SPATA19: variants seen among roughly 807,000 people sequenced by gnomAD.
The protein encoded by SPATA19 is spermatogenesis-associated protein 19, mitochondrial.
In SPATA19, 19 loss-of-function variants were observed where a neutral mutation model predicts 25.0. The ratio of observed to expected loss-of-function variants is 0.76; its 90% confidence interval spans 0.53 to 1.11. The LOEUF (loss-of-function observed/expected upper bound fraction) is 1.11, where lower values mean the gene tolerates loss of function less well. Among genes scored for constraint, SPATA19 ranks in the 50% most tolerant of loss-of-function variants. The pLI is 0.00. For synonymous variants in SPATA19, 64 were observed against 69.3 expected, an observed-to-expected ratio of 0.92 and a Z score of 0.38; for missense variants, 222 against 211.4, an observed-to-expected ratio of 1.05 and a Z score of -0.31.
downstream of SPATA19, among the ~76,000 whole-genome samples, chr11:133,838,879 C>T (rs1938251491): frequency 6.6e-6 from 1 of 152,164 alleles, no homozygotes; most frequent in African/African-American, 2.4e-5. Context: ...AGGATATGAA[C>T]AGACACTTCT....
downstream of SPATA19, among the ~76,000 whole-genome samples, chr11:133,837,915 T>G (rs966082620): frequency 1.1e-4 from 16 of 152,018 alleles, no homozygotes; most frequent in African/African-American, 3.4e-4. Flanking sequence ...CTAGGGACAC[T>G]CAAAGACAAC....
At position 133,842,535 on chromosome 11, in the gene SPATA19, A is replaced by G. The variant is rs1236433255; in HGVS notation, c.387T>C (p.Ser129=). The G allele has an allele frequency of 6.2e-7, 1 of 1,613,684 alleles. No individual in the cohort carries two copies. The highest frequency in any genetic ancestry group is 1.7e-5 in the Admixed American group (1 of 59,996). The change falls in exon 5 of 7, where the codon AGT becomes AGC. Residue 129 remains serine, a synonymous_variant. Transcript: ENST00000299140. ...WSHTRIFQVP[S]EMTEDIMRDR... ...CTCGCATGATGTCCTCTGTCATCTCACTTGGCACTTGGAAGATACGAGTGT... is the reference window on the plus strand; with the variant it reads ...CTCGCATGATGTCCTCTGTCATCTCGCTTGGCACTTGGAAGATACGAGTGT...
At chr11:133,843,102 G>A (rs953100655) in intron 4 of SPATA19, among the ~76,000 whole-genome samples, 3 of 152,178 alleles carry the variant, frequency 2.0e-5, no homozygotes, top group Non-Finnish European at 2.9e-5. Flanking sequence ...GGAGATAGGC[G>A]GAGGCTTTTG....
chr11:133,839,867 A>G (rs1301018363), downstream of SPATA19, among the ~76,000 whole-genome samples: 1 of 152,132 alleles, frequency 6.6e-6, no homozygotes, highest in African/African-American at 2.4e-5. Flanking sequence ...AATACCCGCA[A>G]AAAAGAGTTT....
chr11:133,844,289 C>G lies in SPATA19; in HGVS notation c.316G>C (p.Glu106Gln). 1 of 1,614,212 alleles carries G rather than the reference C, an allele frequency of 6.2e-7. No individual in the cohort carries two copies. Among genetic ancestry groups the G allele is most frequent in the Non-Finnish European group, 8.5e-7 (1 of 1,180,046 alleles). The change falls in exon 4 of 7, where the codon GAG (glutamate) becomes CAG (glutamine). Residue 106 changes from glutamate (E) to glutamine (Q), a missense_variant. By Grantham distance (29) the Glu-to-Gln change is conservative (BLOSUM62 2). Transcript: ENST00000299140. ...ATTCGTGTTCTCTCCTCTAGGACCT[C>G]TTGGCTCTGGTTTGCCAACAAATCA... ...KSDLLANQSQ[E>Q]VLEERTRIQF... is the part of the protein sequence containing the mutation.
downstream of SPATA19, among the ~76,000 whole-genome samples, chr11:133,837,053 C>G (rs1176442614): frequency 6.6e-6 from 1 of 152,190 alleles, no homozygotes; most frequent in Non-Finnish European, 1.5e-5. Flanking sequence ...ATAGAAAGTG[C>G]TCAGCGAACA....
chr11:133,844,280 C>G lies in SPATA19; in HGVS notation c.325G>C (p.Glu109Gln). ...ATGAACTGGATTCGTGTTCTCTCCT[C>G]TAGGACCTCTTGGCTCTGGTTTGCC... The part of the protein sequence containing the change: ...LLANQSQEVL[E>Q]ERTRIQFIRW... Residue 109 changes from glutamate (E) to glutamine (Q), a missense_variant, in exon 4 of 7, where the codon GAG (glutamate) becomes CAG (glutamine). Physicochemically the swap from Glu to Gln is conservative, Grantham distance 29. Coordinates refer to ENST00000299140, the MANE Select transcript of SPATA19 (RefSeq NM_174927.3). 6 of 1,614,186 alleles carry G rather than the reference C, an allele frequency of 3.7e-6. No homozygotes were observed. Among genetic ancestry groups the G allele is most frequent in the Non-Finnish European group, 5.1e-6 (6 of 1,180,032 alleles).
At chr11:133,837,790 A>G (rs1938237942), downstream of SPATA19, among the ~76,000 whole-genome samples, 1 of 152,124 alleles carries the variant, frequency 6.6e-6, no homozygotes, top group African/African-American at 2.4e-5. Flanking sequence ...TCACCACAAT[A>G]TAGGCTTCCC....
intron 6 of SPATA19, 96 bp from the exon 7 acceptor site, chr11:133,841,019 G>A (rs2250025): frequency 0.32 from 48,839 of 152,050 alleles, 9,007 homozygotes; most frequent in East Asian, 0.61. Flanking sequence ...AAGCCCCTGC[G>A]AACTGTGTAC....
At chr11:133,836,326 C>T (rs1390408108), downstream of SPATA19, among the ~76,000 whole-genome samples, 6 of 152,132 alleles carry the variant, frequency 3.9e-5, no homozygotes, top group Admixed American at 1.3e-4. Context: ...CAAAGGGAGG[C>T]TGGGAGGGAA....
downstream of SPATA19, among the ~76,000 whole-genome samples, chr11:133,836,452 A>C (rs531143380): frequency 5.9e-5 from 9 of 152,280 alleles, no homozygotes; most frequent in African/African-American, 2.2e-4. Context: ...GCTCACCACC[A>C]ACAACAACCG....
At chr11:133,838,841 AC>A (rs1275603271), downstream of SPATA19, among the ~76,000 whole-genome samples, 5 of 152,138 alleles carry the variant, frequency 3.3e-5, no homozygotes, top group Admixed American at 2.0e-4. Flanking sequence ...CAAGAAAAAA[AC>A]AAACAACCCC....
At chr11:133,844,049 C>T (rs1228312682) in intron 4 of SPATA19, among the ~76,000 whole-genome samples, 197 bp downstream of exon 4, 1 of 152,220 alleles carries the variant, frequency 6.6e-6, no homozygotes, top group Admixed American at 6.5e-5. Flanking sequence ...TCCAACCCCT[C>T]AAGTCATTTA....
downstream of SPATA19, among the ~76,000 whole-genome samples, chr11:133,836,143 C>G (rs368287691): frequency 1.3e-5 from 2 of 152,192 alleles, no homozygotes; most frequent in Admixed American, 6.5e-5. Context: ...CTCACTCCCT[C>G]TCTCCCATCT....
intron 4 of SPATA19, 130 bp from the exon 5 acceptor site, chr11:133,842,692 C>T: frequency 1.3e-6 from 1 of 754,450 alleles, no homozygotes; most frequent in Non-Finnish European, 2.3e-6. Flanking sequence ...TTGAGCTGGT[C>T]TCTCCCCCTT....
chr11:133,839,356 A>C (rs184036437), downstream of SPATA19, among the ~76,000 whole-genome samples: 2 of 152,340 alleles, frequency 1.3e-5, no homozygotes, highest in East Asian at 1.9e-4. Flanking sequence ...CAGCCATAAA[A>C]AATGATGAGT....
At chr11:133,845,072 A>AC in intron 2 of SPATA19, 62 bp downstream of exon 2, 1 of 1,408,052 alleles carries the variant, frequency 7.1e-7, no homozygotes, top group Admixed American at 1.8e-5. Flanking sequence ...AGATCCCCAC[A>AC]CCCACTGAGA....
chr11:133,840,971 G>A (rs1020870976), intron 6 of SPATA19, 48 bp from the exon 7 acceptor site: 4 of 152,224 alleles, frequency 2.6e-5, no homozygotes, highest in Non-Finnish European at 2.9e-5. Context: ...GCATCAGGCA[G>A]CTGGAATTGA....
chr11:133,837,745 T>C (rs1938237517), downstream of SPATA19, among the ~76,000 whole-genome samples: 2 of 152,116 alleles, frequency 1.3e-5, no homozygotes, highest in Non-Finnish European at 2.9e-5. Flanking sequence ...GAACTAATCT[T>C]GCAAATATAG....
Sources: gnomAD v4.1 joint callset for allele counts (sites outside exome capture counted in the v4.1 genomes callset) on GRCh38, gnomAD v4.1.1 for gene constraint, MANE v1.5 for transcripts, NCBI Gene and HGNC (gene_info 2026-07-23, HGNC 2026-07-21) for gene names.